The following NRG3 variants were observed in gnomAD, a reference collection of about 807,000 sequenced individuals.
NRG3 encodes neuregulin 3.
Under a neutral mutation model 66.9 loss-of-function variants are expected in NRG3, and 31 were observed. That is an observed-to-expected ratio of 0.46 (90% CI 0.35 to 0.63). The LOEUF (loss-of-function observed/expected upper bound fraction) is 0.63. NRG3 is among the 20% of genes least tolerant of loss of function. The probability of loss-of-function intolerance (pLI) is 0.00; values close to 1 mark genes in which losing one functional copy is unlikely to be tolerated. For missense variants in NRG3, 910 were observed against 878.9 expected, an observed-to-expected ratio of 1.04 and a Z score of -0.45; for synonymous variants, 393 against 359.4, an observed-to-expected ratio of 1.09 and a Z score of -1.06.
At chr10:82,627,003 A>T (rs1360103622) in intron 2 of NRG3, among the ~76,000 whole-genome samples, 2 of 148,846 alleles carry the variant, frequency 1.3e-5, no homozygotes, top group Non-Finnish European at 3.0e-5. Flanking sequence ...CTATTTAGCT[A>T]TTTTTTTTTT....
intron 3 of NRG3, among the ~76,000 whole-genome samples, chr10:82,783,772 G>A (rs151203702): frequency 0.022 from 3,279 of 152,194 alleles, 128 homozygotes; most frequent in African/African-American, 0.074. Flanking sequence ...CGTGAAAATG[G>A]CCATACTGCC....
intron 1 of NRG3, among the ~76,000 whole-genome samples, chr10:82,201,410 A>T (rs1356509125): frequency 2.0e-5 from 3 of 151,976 alleles, no homozygotes; most frequent in Non-Finnish European, 2.9e-5. Flanking sequence ...AGTTATCTGA[A>T]ATCATTTCTG....
rs1021336185 is a variant in NRG3 at position 82,838,633 on chromosome 10, G to T, written c.1028-26778G>T. ...TGTTCTTTATATGAATTTTTTTAAAGAAATAATTGAAGTTTATAAATAAAA... is the reference window on the plus strand; with the variant it reads ...TGTTCTTTATATGAATTTTTTTAAATAAATAATTGAAGTTTATAAATAAAA... On this transcript the variant is annotated intron_variant, in intron 3 of 8. Transcript: ENST00000372141. 2.0e-5 allele frequency among the ~76,000 whole-genome samples: 3 copies of T among 149,886 alleles called. No homozygotes were observed. In the Admixed American group the frequency reaches 2.0e-4, roughly 10 times the overall value.
At chr10:82,533,967 C>T (rs1457758236) in intron 2 of NRG3, among the ~76,000 whole-genome samples, 1 of 152,040 alleles carries the variant, frequency 6.6e-6, no homozygotes, top group Non-Finnish European at 1.5e-5. Context: ...AGACTAACAA[C>T]AAACTATCTG....
intron 1 of NRG3, among the ~76,000 whole-genome samples, chr10:82,168,119 A>G (rs970519965): frequency 6.6e-6 from 1 of 152,190 alleles, no homozygotes. Context: ...TTAACTCTGA[A>G]TATGACTTTG....
At chr10:82,148,894 A>T (rs1590301843) in intron 1 of NRG3, among the ~76,000 whole-genome samples, 2 of 151,860 alleles carry the variant, frequency 1.3e-5, no homozygotes, top group African/African-American at 4.8e-5. Flanking sequence ...CTGCTTGCCT[A>T]TCACTCACTG....
chr10:82,418,754 G>A (rs568856517), intron 2 of NRG3, among the ~76,000 whole-genome samples: 1 of 149,464 alleles, frequency 6.7e-6, no homozygotes, highest in Non-Finnish European at 1.5e-5. Flanking sequence ...ATGCCACCAT[G>A]CCCTGCTAAT....
At chr10:82,206,764 T>G (rs1286306443) in intron 1 of NRG3, among the ~76,000 whole-genome samples, 1 of 152,188 alleles carries the variant, frequency 6.6e-6, no homozygotes, top group Non-Finnish European at 1.5e-5. Context: ...TAATTCTATG[T>G]TTCTTCTTTA....
At chr10:82,025,941 C>T (rs1291584256) in intron 1 of NRG3, among the ~76,000 whole-genome samples, 2 of 152,018 alleles carry the variant, frequency 1.3e-5, no homozygotes, top group African/African-American at 4.8e-5. Context: ...ATAGACAGCC[C>T]TGCCCCTGCT....
intron 2 of NRG3, among the ~76,000 whole-genome samples, chr10:82,628,640 C>T (rs991896359): frequency 1.3e-5 from 2 of 152,054 alleles, no homozygotes; most frequent in Non-Finnish European, 2.9e-5. Context: ...GTTCCACATA[C>T]ACACTCTTTC....
chr10:81,997,551 G>A (rs753430583), intron 1 of NRG3, among the ~76,000 whole-genome samples: 1 of 151,928 alleles, frequency 6.6e-6, no homozygotes, highest in Non-Finnish European at 1.5e-5. Context: ...GGAGGGCCCC[G>A]AATTCCAATT....
chr10:82,262,080 A>G (rs896207200), intron 1 of NRG3, among the ~76,000 whole-genome samples: 1 of 152,200 alleles, frequency 6.6e-6, no homozygotes, highest in Admixed American at 6.5e-5. Flanking sequence ...TGCTGGAGCC[A>G]TGATTGGAAA....
At chr10:82,164,631 C>T (rs1349224161) in intron 1 of NRG3, among the ~76,000 whole-genome samples, 1 of 152,072 alleles carries the variant, frequency 6.6e-6, no homozygotes, top group Non-Finnish European at 1.5e-5. Context: ...AGCAAGAGTG[C>T]AAGTAGCAGG....
chr10:82,428,881 G>A (rs2089612365), intron 2 of NRG3, among the ~76,000 whole-genome samples: 1 of 151,768 alleles, frequency 6.6e-6, no homozygotes, highest in Non-Finnish European at 1.5e-5. Flanking sequence ...ATATATTTCA[G>A]TCTATGTTGT....
At chr10:82,304,567 A>T (rs1338367693) in intron 1 of NRG3, among the ~76,000 whole-genome samples, 2 of 151,838 alleles carry the variant, frequency 1.3e-5, no homozygotes, top group African/African-American at 4.8e-5. Flanking sequence ...ATTTTGAGAC[A>T]TTGTACTGTA....
At chr10:82,045,796 T>A (rs1165396232) in intron 1 of NRG3, among the ~76,000 whole-genome samples, 2 of 84,136 alleles carry the variant, frequency 2.4e-5, no homozygotes, top group African/African-American at 4.3e-5. Context: ...GGCTAGCCAG[T>A]TTTCCCAGCA....
chr10:82,246,137 T>C (rs2134047420), intron 1 of NRG3, among the ~76,000 whole-genome samples: 2 of 152,198 alleles, frequency 1.3e-5, no homozygotes, highest in Middle Eastern at 3.4e-3. Flanking sequence ...AGTTTTCGCA[T>C]GTAACTACTT....
At chr10:82,315,184 A>G (rs1264855954) in intron 1 of NRG3, among the ~76,000 whole-genome samples, 2 of 152,188 alleles carry the variant, frequency 1.3e-5, no homozygotes, top group South Asian at 4.1e-4. Context: ...AAAGAAAGGC[A>G]GTGCAAGGTC....
At chr10:82,842,607 T>A (rs1459479997) in intron 3 of NRG3, among the ~76,000 whole-genome samples, 6 of 152,208 alleles carry the variant, frequency 3.9e-5, no homozygotes, top group Non-Finnish European at 8.8e-5. Flanking sequence ...AATGTTATAA[T>A]CCAAGCATCT....
Sources: allele counts gnomAD v4.1 joint callset (sites outside exome capture counted in the v4.1 genomes callset), GRCh38; gene constraint gnomAD v4.1.1; transcripts MANE v1.5; gene names NCBI Gene and HGNC (gene_info 2026-07-23, HGNC 2026-07-21).